Variants in HTR4 observed in about 807,000 individuals in gnomAD.
The protein encoded by HTR4 is 5-hydroxytryptamine (serotonin) receptor 4, G protein-coupled.
A neutral mutation model predicts 36.8 loss-of-function variants in HTR4; 16 were observed. The observed-to-expected ratio is 0.43, with a 90% CI of 0.29 to 0.66. The LOEUF (loss-of-function observed/expected upper bound fraction) is 0.66, where lower values mean the gene tolerates loss of function less well. Ranked by LOEUF, HTR4 falls within the 30% of genes least tolerant of loss-of-function variation. HTR4 has a pLI of 0.13. For missense variants in HTR4, 438 were observed against 490.9 expected (o/e 0.89, Z 1.02); for synonymous variants, 189 against 185.1 (o/e 1.02, Z -0.17).
intron 2 of HTR4, among the ~76,000 whole-genome samples, chr5:148,579,707 A>C (rs2127242472): frequency 6.6e-6 from 1 of 152,086 alleles, no homozygotes; most frequent in East Asian, 1.9e-4. Flanking sequence ...TGTAGGACTA[A>C]AGACCCCATT....
intron 2 of HTR4, among the ~76,000 whole-genome samples, chr5:148,574,655 T>C (rs1760817455): frequency 6.6e-6 from 1 of 152,096 alleles, no homozygotes; most frequent in Admixed American, 6.6e-5. Flanking sequence ...TGACAAAAAC[T>C]GACTTCTTAA....
chr5:148,457,438 T>TC (rs1755126237), intron 5 of HTR4, among the ~76,000 whole-genome samples: 1 of 150,872 alleles, frequency 6.6e-6, no homozygotes, highest in South Asian at 2.1e-4. Context: ...GCAATTAGCA[T>TC]CGCACTTAGA....
chr5:148,546,030 T>A (rs888769311), intron 4 of HTR4, among the ~76,000 whole-genome samples: 1 of 152,130 alleles, frequency 6.6e-6, no homozygotes, highest in Non-Finnish European at 1.5e-5. Flanking sequence ...TAGACTAGGA[T>A]CTCTTTAGGA....
intron 5 of HTR4, among the ~76,000 whole-genome samples, chr5:148,463,687 T>G (rs1175972945): frequency 6.6e-6 from 1 of 151,760 alleles, no homozygotes; most frequent in African/African-American, 2.4e-5. Context: ...AATCAAAATC[T>G]CAGTGAGGTT....
Position 148,499,921 on chromosome 5 carries a change from AC to A in HTR4, c.1076+9534del, listed in dbSNP as rs1344802876. Among the ~76,000 whole-genome samples the A allele has an allele frequency of 2.0e-5, 3 of 151,420 alleles. No homozygotes were observed. In the East Asian group the frequency reaches 5.8e-4, roughly 29 times the overall value. ...CCTTCTTGCCTTGAGACATGTATGA[AC>A]CCCCCTTCATCTTCTGCCATGAGTA... On this transcript the variant is annotated intron_variant, in intron 6 of 6. Transcript: ENST00000377888.
At chr5:148,548,628 C>G in intron 4 of HTR4, 40 bp downstream of exon 4, 1 of 1,493,082 alleles carries the variant, frequency 6.7e-7, no homozygotes, top group Non-Finnish European at 9.2e-7. Flanking sequence ...AGTCATGTCT[C>G]CAGCATGGAG....
At chr5:148,542,499 A>T (rs13159589) in intron 4 of HTR4, among the ~76,000 whole-genome samples, 44,976 of 152,118 alleles carry the variant, frequency 0.3, 7,209 homozygotes, top group Non-Finnish European at 0.37. Flanking sequence ...GGAGACTAAG[A>T]AACTGTTGGA....
intron 5 of HTR4, among the ~76,000 whole-genome samples, chr5:148,518,349 C>T (rs10213955): frequency 0.014 from 2,169 of 152,130 alleles, 31 homozygotes; most frequent in African/African-American, 0.038. Context: ...GTACCCTAAG[C>T]GCCTGAATTA....
rs145367318 is a variant in HTR4, at chr5:148,548,655, G to C, written c.353+13C>G. 137 of 1,586,232 alleles carry C rather than the reference G, an allele frequency of 8.6e-5. No individual in the cohort carries two copies. The Middle Eastern group carries it at 1.0e-3, about 12-fold the overall frequency. Reference sequence around the variant, plus strand: ...AGCATGGAGCTCCGCTATGCACATTGTTCTGTCCTTACCTATCCAGAGAAA... The same window carrying C: ...AGCATGGAGCTCCGCTATGCACATTCTTCTGTCCTTACCTATCCAGAGAAA... On this transcript the variant is annotated intron_variant, in intron 4 of 6. Transcript: ENST00000377888.
chr5:148,483,118 C>G lies in HTR4; in HGVS notation c.*85G>C, dbSNP rs1755968478. Reference sequence around the variant, plus strand: ...GGAAAGCCTCAGGTGAAGAGAATACCGGGTGCAGTCGCGCACAAGCAGCAG... The same window carrying G: ...GGAAAGCCTCAGGTGAAGAGAATACGGGGTGCAGTCGCGCACAAGCAGCAG... On this transcript the variant is annotated 3_prime_UTR_variant, in exon 7 of 7. Transcript: ENST00000377888. 1.3e-6 allele frequency: 2 copies of G among 1,592,794 alleles called. No homozygotes were observed. The highest frequency in any genetic ancestry group is 1.7e-6 in the Non-Finnish European group (2 of 1,168,280).
At chr5:148,502,228 C>A (rs1756966687) in intron 6 of HTR4, among the ~76,000 whole-genome samples, 1 of 152,184 alleles carries the variant, frequency 6.6e-6, no homozygotes, top group Admixed American at 6.5e-5. Flanking sequence ...CCCAAGTAGC[C>A]TAACTGGGAG....
chr5:148,514,752 G>A (rs1344634645), intron 5 of HTR4, among the ~76,000 whole-genome samples: 1 of 151,884 alleles, frequency 6.6e-6, no homozygotes, highest in African/African-American at 2.4e-5. Flanking sequence ...TCATCCTCTT[G>A]AATTGATATT....
In HTR4 at chr5:148,536,097, G is replaced by T. The variant is rs117697339; in HGVS notation, c.353+12571C>A. Among the ~76,000 whole-genome samples the T allele has an allele frequency of 5.5e-4, 83 of 152,102 alleles. 2 individuals carry two copies. The East Asian group carries it at 0.016, about 29-fold the overall frequency. On this transcript the variant is annotated intron_variant, in intron 4 of 6. Transcript: ENST00000377888. ...TAGTCCTATAATCAACATTCTTAAA[G>T]AAATATCTTCAACCAAGAATTTCAT...
Position 148,489,445 on chromosome 5 carries a change from G to C in HTR4, c.1077-6152C>G, listed in dbSNP as rs1756311914. Among the ~76,000 whole-genome samples, 4 of 152,254 alleles carry C rather than the reference G, an allele frequency of 2.6e-5. No homozygotes were observed. In the South Asian group the frequency reaches 8.3e-4, roughly 32 times the overall value. On this transcript the variant is annotated intron_variant, in intron 6 of 6. Coordinates refer to ENST00000377888, the MANE Select transcript of HTR4 (RefSeq NM_000870.7). ...AAGCTGCCCATAGGAGTGACAGTGAGTCAGGTACATAAAGAATACTTAAGA... is the reference window on the plus strand; with the variant it reads ...AAGCTGCCCATAGGAGTGACAGTGACTCAGGTACATAAAGAATACTTAAGA...
At position 148,644,422 on chromosome 5, in the gene HTR4, G is replaced by GTTTTTTTTTTTTTTT. The variant is rs1175588280; in HGVS notation, c.-47-7376_-47-7362dup. On this transcript the variant is annotated intron_variant, in intron 1 of 6. Coordinates refer to ENST00000377888, the MANE Select transcript of HTR4 (RefSeq NM_000870.7). ...AGATGAATAGGTCTCAAGCTCACAA[G>GTTTTTTTTTTTTTTT]TTTTTTTTTTTTTTTTTTTTTTTTT... Among the ~76,000 whole-genome samples the GTTTTTTTTTTTTTTT allele has an allele frequency of 7.4e-5, 3 of 40,618 alleles. 1 individual carries two copies. Among genetic ancestry groups the GTTTTTTTTTTTTTTT allele is most frequent in the African/African-American group, 3.2e-4 (3 of 9,420 alleles). 26.6% of individuals were successfully genotyped at this position (40,618 alleles called of 152,430 possible). A position where few individuals can be genotyped will look rare whatever the true frequency, so the allele number is the denominator to read the frequency against.
intron 5 of HTR4, among the ~76,000 whole-genome samples, chr5:148,452,755 A>G (rs900833650): frequency 1.3e-5 from 2 of 152,194 alleles, no homozygotes; most frequent in Non-Finnish European, 2.9e-5. Context: ...GACATACAGA[A>G]CCAAAGCATC....
intron 2 of HTR4, among the ~76,000 whole-genome samples, chr5:148,602,888 TGAAATGGA>T (rs1345678330): frequency 1.3e-5 from 2 of 152,098 alleles, no homozygotes; most frequent in African/African-American, 4.8e-5. Flanking sequence ...AAAATTTAGA[TGAAATGGA>T]GAAATTCCCA....
chr5:148,555,318 G>C (rs1759896394), intron 2 of HTR4, among the ~76,000 whole-genome samples: 2 of 152,138 alleles, frequency 1.3e-5, no homozygotes, highest in South Asian at 4.1e-4. Flanking sequence ...AACATCTCTG[G>C]CTCCAGAGAA....
chr5:148,550,616 A>T (rs1759633907), intron 2 of HTR4, among the ~76,000 whole-genome samples: 3 of 152,204 alleles, frequency 2.0e-5, no homozygotes, highest in Admixed American at 1.3e-4. Context: ...TGAGTGAATG[A>T]ATGATAGTAA....
Sources: gnomAD v4.1 joint callset for allele counts (sites outside exome capture counted in the v4.1 genomes callset) on GRCh38, gnomAD v4.1.1 for gene constraint, MANE v1.5 for transcripts, NCBI Gene and HGNC (gene_info 2026-07-23, HGNC 2026-07-21) for gene names.